ASPRV1: variants seen among roughly 807,000 people sequenced by gnomAD.
The protein encoded by ASPRV1 is retroviral-like aspartic protease 1.
In ASPRV1, 7 loss-of-function variants were observed where a neutral mutation model predicts 11.0. That is an observed-to-expected ratio of 0.64 (90% CI 0.36 to 1.20). The LOEUF is 1.20. ASPRV1 is among the 50% of genes most tolerant of loss of function. ASPRV1 has a pLI of 0.02. For missense variants in ASPRV1, 299 were observed against 320.0 expected (o/e 0.93, Z 0.50); for synonymous variants, 136 against 138.4 (o/e 0.98, Z 0.12).
At chr2:69,978,391 G>A in the ASPRV1 span, among the ~76,000 whole-genome samples, 1 of 152,244 alleles carries the variant, frequency 6.6e-6, no homozygotes, top group South Asian at 2.1e-4. Flanking sequence ...CTCAGTCTGA[G>A]AATGGGACCA....
chr2:70,009,277 A>C, the ASPRV1 span, among the ~76,000 whole-genome samples: 1 of 151,888 alleles, frequency 6.6e-6, no homozygotes, highest in African/African-American at 2.4e-5. Context: ...TAAATGATGA[A>C]GCTGTATTCA....
the ASPRV1 span, among the ~76,000 whole-genome samples, chr2:69,995,944 GCCT>G: frequency 6.6e-6 from 1 of 152,198 alleles, no homozygotes; most frequent in East Asian, 1.9e-4. Context: ...AAGAACCAAG[GCCT>G]CCTCCTCCTT....
At chr2:70,087,146 C>G in the ASPRV1 span, 1 of 152,170 alleles carries the variant, frequency 6.6e-6, no homozygotes, top group East Asian at 1.9e-4. Context: ...CCATGTCGTT[C>G]CGCGCACGAG....
At chr2:69,956,332 C>T (rs892134734), downstream of ASPRV1, among the ~76,000 whole-genome samples, 6 of 151,832 alleles carry the variant, frequency 4.0e-5, no homozygotes, top group Non-Finnish European at 8.8e-5. Context: ...CCTGTAAGCC[C>T]AGCTACTTTG....
At chr2:69,958,751 T>C (rs1677996403), downstream of ASPRV1, among the ~76,000 whole-genome samples, 1 of 152,138 alleles carries the variant, frequency 6.6e-6, no homozygotes, top group Non-Finnish European at 1.5e-5. Context: ...AAATCAAATT[T>C]GAGAAGGGGG....
At chr2:69,935,934 G>C in the ASPRV1 span, among the ~76,000 whole-genome samples, 2 of 152,068 alleles carry the variant, frequency 1.3e-5, no homozygotes, top group Admixed American at 1.3e-4. Flanking sequence ...CTGTGGCTCA[G>C]GACAAGCTCT....
chr2:69,949,491 T>C, the ASPRV1 span, among the ~76,000 whole-genome samples: 5 of 151,954 alleles, frequency 3.3e-5, no homozygotes, highest in African/African-American at 1.2e-4. Context: ...AATACCCGGG[T>C]TTTGGAAAAA....
the ASPRV1 span, among the ~76,000 whole-genome samples, chr2:69,944,612 A>T: frequency 5.9e-5 from 9 of 152,220 alleles, no homozygotes; most frequent in Admixed American, 5.2e-4. Flanking sequence ...GAGCTGTGCC[A>T]AATTGTCATC....
the ASPRV1 span, among the ~76,000 whole-genome samples, chr2:70,043,927 T>G: frequency 1.3e-5 from 2 of 152,144 alleles, no homozygotes; most frequent in Non-Finnish European, 2.9e-5. Context: ...ACCAGCACTG[T>G]CAGCTGCTTG....
the ASPRV1 span, among the ~76,000 whole-genome samples, chr2:70,004,000 T>C: frequency 1.1e-4 from 16 of 152,132 alleles, no homozygotes; most frequent in African/African-American, 3.9e-4. Flanking sequence ...TCATTATAAA[T>C]TGCCCAGTCT....
chr2:69,947,905 G>A, the ASPRV1 span, among the ~76,000 whole-genome samples: 1 of 152,194 alleles, frequency 6.6e-6, no homozygotes, highest in Non-Finnish European at 1.5e-5. Context: ...TGGCAGTGCT[G>A]ACCTGGGTCT....
the ASPRV1 span, among the ~76,000 whole-genome samples, chr2:69,974,269 G>T: frequency 4.6e-5 from 7 of 151,838 alleles, no homozygotes; most frequent in Non-Finnish European, 8.8e-5. Flanking sequence ...CCTGGGAGGC[G>T]GAGGTTGCAA....
chr2:69,934,829 C>G, the ASPRV1 span, among the ~76,000 whole-genome samples: 1 of 152,154 alleles, frequency 6.6e-6, no homozygotes, highest in East Asian at 1.9e-4. Context: ...ATTTATTTAA[C>G]CAGTTCCCTC....
the ASPRV1 span, among the ~76,000 whole-genome samples, chr2:69,943,165 C>A: frequency 2.6e-5 from 4 of 152,178 alleles, no homozygotes; most frequent in African/African-American, 9.7e-5. Flanking sequence ...CTCCACTGCC[C>A]CATCATCCCA....
chr2:69,950,891 T>A, the ASPRV1 span, among the ~76,000 whole-genome samples: 7 of 127,262 alleles, frequency 5.5e-5, no homozygotes, highest in African/African-American at 5.5e-5. Context: ...AAATAAATAA[T>A]AAAAAATAAA....
chr2:69,998,446 A>G, the ASPRV1 span, among the ~76,000 whole-genome samples: 1 of 152,204 alleles, frequency 6.6e-6, no homozygotes, highest in East Asian at 1.9e-4. Context: ...GCAACTGTGA[A>G]GAATTCTTTC....
chr2:70,066,487 C>T, the ASPRV1 span, among the ~76,000 whole-genome samples: 4 of 152,230 alleles, frequency 2.6e-5, no homozygotes, highest in African/African-American at 9.6e-5. Flanking sequence ...GATCCACCTG[C>T]CTTGGCCTCC....
At chr2:70,071,951 CTTTCTTTTTT>C in the ASPRV1 span, among the ~76,000 whole-genome samples, 1 of 143,314 alleles carries the variant, frequency 7.0e-6, no homozygotes, top group Non-Finnish European at 1.5e-5. Context: ...AAAAATTTTT[CTTTCTTTTTT>C]TTTTTTATGA....
At chr2:70,014,796 CAAAAA>C in the ASPRV1 span, among the ~76,000 whole-genome samples, 1,433 of 74,206 alleles carry the variant, frequency 0.019, 35 homozygotes, top group African/African-American at 0.062. Context: ...GACCTTGTCT[CAAAAA>C]AAAAAAAAAA....
Sources: gnomAD v4.1 joint callset for allele counts (sites outside exome capture counted in the v4.1 genomes callset) on GRCh38, gnomAD v4.1.1 for gene constraint, MANE v1.5 for transcripts, NCBI Gene and HGNC (gene_info 2026-07-23, HGNC 2026-07-21) for gene names.